The following CSMD1 variants were observed in gnomAD, a reference collection of about 807,000 sequenced individuals.
CSMD1 encodes the protein CUB and sushi domain-containing protein 1.
Under a neutral mutation model 417.5 loss-of-function variants are expected in CSMD1, and 213 were observed. That is an observed-to-expected ratio of 0.51 (90% CI 0.46 to 0.57). The LOEUF (loss-of-function observed/expected upper bound fraction) is 0.57. Ranked by LOEUF, CSMD1 falls within the 20% of genes least tolerant of loss-of-function variation. CSMD1 has a pLI of 0.00. For synonymous variants in CSMD1, 2,862 were observed against 1,736.8 expected (o/e 1.65, Z -16.11); for missense variants, 6,923 against 4,529.7 (o/e 1.53, Z -15.17).
intron 5 of CSMD1, among the ~76,000 whole-genome samples, chr8:3,759,390 A>G (rs1797862220): frequency 6.6e-6 from 1 of 152,192 alleles, no homozygotes; most frequent in African/African-American, 2.4e-5. Context: ...AGGCAGTTTA[A>G]ACCCTTTATA....
At chr8:3,482,596 C>G (rs1053510560) in intron 11 of CSMD1, among the ~76,000 whole-genome samples, 8 of 152,172 alleles carry the variant, frequency 5.3e-5, no homozygotes, top group Admixed American at 2.0e-4. Context: ...CCTTAGCAAA[C>G]AGGCAGAAAA....
chr8:4,814,202 G>C (rs1286859489), intron 1 of CSMD1, among the ~76,000 whole-genome samples: 1 of 150,772 alleles, frequency 6.6e-6, no homozygotes, highest in Non-Finnish European at 1.5e-5. Flanking sequence ...GATTTTGTGT[G>C]TGTGTGTGTG....
intron 7 of CSMD1, among the ~76,000 whole-genome samples, chr8:3,700,910 C>A (rs1055463181): frequency 4.6e-5 from 7 of 151,990 alleles, no homozygotes; most frequent in Non-Finnish European, 7.4e-5. Context: ...ATATTTCACC[C>A]AGATCCTTCT....
chr8:3,703,950 A>T (rs1239742272), intron 7 of CSMD1, among the ~76,000 whole-genome samples: 1 of 152,092 alleles, frequency 6.6e-6, no homozygotes, highest in Non-Finnish European at 1.5e-5. Context: ...ACACACCTGT[A>T]CTCCCTGCTA....
At chr8:4,225,534 C>G (rs950679831) in intron 3 of CSMD1, among the ~76,000 whole-genome samples, 6 of 143,578 alleles carry the variant, frequency 4.2e-5, no homozygotes, top group Non-Finnish European at 7.6e-5. Flanking sequence ...CTTTTTGCCT[C>G]TATTTTTTCT....
chr8:3,535,566 G>A (rs1313140922), intron 10 of CSMD1, among the ~76,000 whole-genome samples: 3 of 152,152 alleles, frequency 2.0e-5, no homozygotes, highest in Non-Finnish European at 4.4e-5. Flanking sequence ...GTAGGAAGAA[G>A]AAGGATGAGA....
intron 5 of CSMD1, among the ~76,000 whole-genome samples, chr8:3,853,215 T>G (rs1399968880): frequency 2.0e-5 from 3 of 152,116 alleles, no homozygotes; most frequent in Non-Finnish European, 2.9e-5. Context: ...TTTTCAGTCT[T>G]CTTTGTTGGT....
intron 5 of CSMD1, among the ~76,000 whole-genome samples, chr8:3,838,033 T>G (rs926007315): frequency 2.0e-5 from 3 of 152,106 alleles, no homozygotes; most frequent in Admixed American, 6.6e-5. Context: ...TAAATAAATA[T>G]GTATGTATTG....
intron 5 of CSMD1, among the ~76,000 whole-genome samples, chr8:3,970,829 G>A (rs1300807286): frequency 2.0e-5 from 3 of 152,058 alleles, no homozygotes; most frequent in African/African-American, 7.2e-5. Context: ...CTGTCTCACT[G>A]CAACCTCCGC....
At chr8:2,960,363 G>C (rs549178873) in intron 62 of CSMD1, among the ~76,000 whole-genome samples, 2 of 152,176 alleles carry the variant, frequency 1.3e-5, no homozygotes, top group East Asian at 3.9e-4. Flanking sequence ...GAATATTTTC[G>C]TGCTCACGAG....
chr8:4,705,041 C>T (rs1405145678), intron 1 of CSMD1, among the ~76,000 whole-genome samples: 1 of 152,190 alleles, frequency 6.6e-6, no homozygotes, highest in Non-Finnish European at 1.5e-5. Flanking sequence ...TTTTCCCATG[C>T]TGTTCTCATG....
chr8:4,202,837 A>C (rs1170184549), intron 3 of CSMD1, among the ~76,000 whole-genome samples: 1 of 152,228 alleles, frequency 6.6e-6, no homozygotes, highest in Non-Finnish European at 1.5e-5. Context: ...AGTGAAGCTG[A>C]AACTTGAAAC....
chr8:3,017,276 C>T (rs142187189), intron 52 of CSMD1, among the ~76,000 whole-genome samples: 468 of 152,282 alleles, frequency 3.1e-3, no homozygotes, highest in African/African-American at 0.011. Flanking sequence ...CATATCAAAG[C>T]TGCCTAAAGG....
chr8:3,745,487 G>C (rs1349432619), intron 6 of CSMD1, among the ~76,000 whole-genome samples: 1 of 152,200 alleles, frequency 6.6e-6, no homozygotes, highest in African/African-American at 2.4e-5. Flanking sequence ...AGGAAACCAG[G>C]TTCTGCACGT....
chr8:4,756,106 T>C (rs757669612), intron 1 of CSMD1, among the ~76,000 whole-genome samples: 4 of 152,214 alleles, frequency 2.6e-5, no homozygotes, highest in Non-Finnish European at 4.4e-5. Context: ...AAAAAATTCT[T>C]TTTCACAGGA....
rs1282987613 is a variant in CSMD1, at chr8:4,891,478, G to C, written c.85+102854C>G. ...AAGTTTACAATGTTTTTCTTAATTTGAAAGGTCTGTAATTAAAAGAATTAG... is the reference window on the plus strand; with the variant it reads ...AAGTTTACAATGTTTTTCTTAATTTCAAAGGTCTGTAATTAAAAGAATTAG... On this transcript the variant is annotated intron_variant, in intron 1 of 69. Transcript: ENST00000635120. Among the ~76,000 whole-genome samples the C allele has an allele frequency of 1.3e-5, 2 of 152,074 alleles. 1 individual carries two copies. The highest frequency in any genetic ancestry group is 4.8e-5 in the African/African-American group (2 of 41,370).
intron 1 of CSMD1, among the ~76,000 whole-genome samples, chr8:4,825,719 A>G (rs1347301673): frequency 7.4e-6 from 1 of 134,868 alleles, no homozygotes; most frequent in Admixed American, 8.4e-5. Flanking sequence ...TTTGCAAACC[A>G]TTTATCTGGT....
At chr8:4,427,720 C>A (rs957486450) in intron 2 of CSMD1, among the ~76,000 whole-genome samples, 35 of 152,116 alleles carry the variant, frequency 2.3e-4, no homozygotes, top group African/African-American at 8.0e-4. Context: ...CAGCATATCA[C>A]TAATTTGAAA....
At chr8:4,247,618 G>A (rs1802791640) in intron 3 of CSMD1, among the ~76,000 whole-genome samples, 4 of 152,090 alleles carry the variant, frequency 2.6e-5, no homozygotes, top group Non-Finnish European at 5.9e-5. Context: ...ACAAGGAGAA[G>A]AGCAGAGGTA....
Sources: allele counts gnomAD v4.1 joint callset (sites outside exome capture counted in the v4.1 genomes callset), GRCh38; gene constraint gnomAD v4.1.1; transcripts MANE v1.5; gene names NCBI Gene and HGNC (gene_info 2026-07-23, HGNC 2026-07-21).